MDN1: variants seen among roughly 807,000 people sequenced by gnomAD.
MDN1 encodes midasin AAA ATPase 1, also known as midasin.
MDN1 carries 266 observed loss-of-function variants against 669.2 expected under a neutral mutation model. The observed-to-expected ratio is 0.40, with a 90% CI of 0.36 to 0.44. The LOEUF (loss-of-function observed/expected upper bound fraction) is 0.44, where lower values mean the gene tolerates loss of function less well. Ranked by LOEUF, MDN1 falls within the 20% of genes least tolerant of loss-of-function variation. The probability of loss-of-function intolerance (pLI) is 1.00; values close to 1 mark genes in which losing one functional copy is unlikely to be tolerated. For missense variants in MDN1, 5,940 were observed against 6,754.0 expected (o/e 0.88, Z 4.22); for synonymous variants, 2,385 against 2,457.1 (o/e 0.97, Z 0.87).
intron 32 of MDN1, among the ~76,000 whole-genome samples, chr6:89,739,146 TG>T (rs1816156481): frequency 6.6e-6 from 1 of 152,220 alleles, no homozygotes; most frequent in Non-Finnish European, 1.5e-5. Context: ...CATACGTGTG[TG>T]TACCTCATCA....
Position 89,674,298 on chromosome 6 carries a change from T to G in MDN1, c.13053A>C (p.Leu4351=). 6.2e-7 allele frequency: 1 copy of G among 1,614,226 alleles called. No homozygotes were observed. The highest frequency in any genetic ancestry group is 8.5e-7 in the Non-Finnish European group (1 of 1,180,048). Residue 4351 remains leucine, a synonymous_variant, in exon 79 of 102, where the codon CTA becomes CTC. Coordinates refer to ENST00000369393, the MANE Select transcript of MDN1 (RefSeq NM_014611.3). ...ATGGGTAGCTCAGATTGGAAGGAAT[T>G]AGGTCCAGCACTACTCCACAAAGTT... is the stretch of plus-strand genomic sequence containing the variant. ...KGQLCGVVLD[L]IPSNLSYPSP... is the part of the protein sequence containing the mutation.
intron 33 of MDN1, among the ~76,000 whole-genome samples, chr6:89,734,162 G>A (rs1245871322): frequency 6.6e-6 from 1 of 151,932 alleles, no homozygotes; most frequent in Admixed American, 6.6e-5. Context: ...GCACGTGCCT[G>A]TAATCTCAGC....
At chr6:89,751,858 A>G (rs538674485) in intron 22 of MDN1, among the ~76,000 whole-genome samples, 69 of 152,356 alleles carry the variant, frequency 4.5e-4, no homozygotes, top group Admixed American at 2.1e-3. Context: ...CTTCTCTCAC[A>G]TATCAAAATG....
At position 89,712,047 on chromosome 6, in the gene MDN1, G is replaced by A. The variant is rs539925200; in HGVS notation, c.7640C>T (p.Pro2547Leu). Residue 2547 changes from proline to leucine, a missense_variant, in exon 49 of 102, where the codon CCG becomes CTG. Pro to Leu is a moderately conservative substitution (Grantham distance 98, BLOSUM62 -3). Transcript: ENST00000369393. The stretch of plus-strand genomic sequence containing the variant: ...GCTGTTCTACTCACCAAGCCCCTGC[G>A]GTATATTCTTGGCTAAATGATAAAG... The part of the protein sequence containing the change: ...KWLYHLAKNI[P>L]QGLESIQIHL... The A allele has an allele frequency of 5.4e-5, 87 of 1,613,524 alleles. No homozygotes were observed. The South Asian group carries it at 6.4e-4, about 12-fold the overall frequency.
intron 33 of MDN1, 55 bp from the exon 34 acceptor site, chr6:89,732,830 A>C: frequency 6.5e-7 from 1 of 1,544,994 alleles, no homozygotes; most frequent in South Asian, 1.2e-5. Flanking sequence ...CCCAGAACAA[A>C]AGTTCATAAC....
In MDN1 at chr6:89,695,954, C is replaced by G; in HGVS notation, c.9422G>C (p.Arg3141Pro). The G allele has an allele frequency of 6.2e-7, 1 of 1,610,994 alleles. No homozygotes were observed. Among genetic ancestry groups the G allele is most frequent in the Non-Finnish European group, 8.5e-7 (1 of 1,179,022 alleles). The change falls in exon 61 of 102, where the codon CGG becomes CCG. Residue 3141 changes from arginine (R) to proline (P), a missense_variant. Around this residue, in one of 5 missense-constraint regions of MDN1, gnomAD observed 2,292 missense variants for 2,638.3 expected, o/e 0.87. Coordinates refer to ENST00000369393, the MANE Select transcript of MDN1 (RefSeq NM_014611.3). The surrounding 1 kb of genome is among the most constrained non-coding windows in gnomAD (Gnocchi z 4.1). Reference protein sequence around the residue: ...DSQLQGQVLFRHLAGLAELLP... With the variant: ...DSQLQGQVLFPHLAGLAELLP... ...CAGCTCTGCTAGGCCTGCCAGGTGC[C>G]GGAACAGCACCTGCCCCTGGAGTTG... is the stretch of plus-strand genomic sequence containing the variant.
chr6:89,814,726 C>T, intron 1 of MDN1: 1 of 358,098 alleles, frequency 2.8e-6, no homozygotes, highest in Admixed American at 3.6e-5. Flanking sequence ...GGAGATCTCT[C>T]CAGCACCAGG....
rs1809223490 is a variant in MDN1, at chr6:89,655,745, A to G, written c.15490+19T>C. ...AGAGAGCTCAGTGGGCAAAGGCAGC[A>G]GCTTTCCCAGGACCGTACCATAGGT... On this transcript the variant is annotated intron_variant, in intron 92 of 101. Coordinates refer to ENST00000369393, the MANE Select transcript of MDN1 (RefSeq NM_014611.3). 1 of 1,577,468 alleles carries G rather than the reference A, an allele frequency of 6.3e-7. No homozygotes were observed. Among genetic ancestry groups the G allele is most frequent in the South Asian group, 1.2e-5 (1 of 86,646 alleles).
chr6:89,712,814 T>C (rs770906373), intron 47 of MDN1, 28 bp from the exon 48 acceptor site: 1 of 1,595,118 alleles, frequency 6.3e-7, no homozygotes, highest in African/African-American at 1.3e-5. Context: ...CACAATACAG[T>C]GGTACCAACA....
intron 40 of MDN1, among the ~76,000 whole-genome samples, chr6:89,721,984 A>G (rs941958924): frequency 1.3e-5 from 2 of 152,188 alleles, no homozygotes; most frequent in African/African-American, 2.4e-5. Context: ...AGGAAACAGC[A>G]GACAAACTGG....
chr6:89,790,674 C>T (rs1437142673), intron 5 of MDN1, among the ~76,000 whole-genome samples: 1 of 152,112 alleles, frequency 6.6e-6, no homozygotes, highest in Admixed American at 6.5e-5. Flanking sequence ...CACTGCACTC[C>T]AGCCTGGGTG....
rs200960612 is a variant in MDN1 at position 89,794,805 on chromosome 6, C to G, written c.330-4G>C. The G allele has an allele frequency of 3.1e-6, 5 of 1,611,986 alleles. No individual in the cohort carries two copies. The highest frequency in any genetic ancestry group is 1.7e-6 in the Non-Finnish European group (2 of 1,178,106). On this transcript the variant is annotated splice_region_variant and splice_polypyrimidine_tract_variant and intron_variant, in intron 2 of 101. Transcript: ENST00000369393. ...CTTGAAATATCTCAGGGCAAACCTT[C>G]AAACACAAAGAATACAGACATCCCC...
chr6:89,666,599 C>A (rs1459994093), intron 84 of MDN1, among the ~76,000 whole-genome samples: 1 of 152,188 alleles, frequency 6.6e-6, no homozygotes, highest in African/African-American at 2.4e-5. Flanking sequence ...TCCCAAAGTG[C>A]TAGGAATCCA....
chr6:89,718,451 G>A lies in MDN1; in HGVS notation c.6498C>T (p.Ile2166=), dbSNP rs561569581. 4.3e-6 allele frequency: 7 copies of A among 1,614,104 alleles called. No individual in the cohort carries two copies. In the Admixed American group the frequency reaches 8.3e-5, roughly 19 times the overall value. Residue 2166 remains isoleucine, a synonymous_variant, in exon 43 of 102, where the codon ATC becomes ATT. Coordinates refer to ENST00000369393, the MANE Select transcript of MDN1 (RefSeq NM_014611.3). ...CTAGTTTGTTGACAATCTCCATCGTGATAGCTTTACCACCTTCTCCAAGAC... is the reference window on the plus strand; with the variant it reads ...CTAGTTTGTTGACAATCTCCATCGTAATAGCTTTACCACCTTCTCCAAGAC... ...PKCLGEGGKA[I]TMEIVNKLEA... is the part of the protein sequence containing the mutation.
chr6:89,799,940 G>A (rs905647761), intron 2 of MDN1, among the ~76,000 whole-genome samples: 15 of 152,062 alleles, frequency 9.9e-5, no homozygotes, highest in African/African-American at 3.6e-4. Context: ...TTAATGAGGT[G>A]ACAATGGGAA....
intron 33 of MDN1, among the ~76,000 whole-genome samples, chr6:89,733,304 G>A (rs2128315442): frequency 6.6e-6 from 1 of 151,640 alleles, no homozygotes; most frequent in East Asian, 1.9e-4. Flanking sequence ...TTTGTTTCAT[G>A]AATCAAGTTG....
rs749642086 is a variant in MDN1, at chr6:89,790,414, G to A, written c.856-13C>T. The A allele has an allele frequency of 1.2e-6, 2 of 1,613,372 alleles. No homozygotes were observed. Among genetic ancestry groups the A allele is most frequent in the African/African-American group, 1.3e-5 (1 of 74,868 alleles). On this transcript the variant is annotated splice_polypyrimidine_tract_variant and intron_variant, in intron 5 of 101. Transcript: ENST00000369393. Reference sequence around the variant, plus strand: ...TCCTATTACCACCCTAAAGAGGCAAGACAAAAGCCATGTCAAGAAGAGTTC... The same window carrying A: ...TCCTATTACCACCCTAAAGAGGCAAAACAAAAGCCATGTCAAGAAGAGTTC...
At position 89,797,102 on chromosome 6, in the gene MDN1, T is replaced by C. The variant is rs187957249; in HGVS notation, c.330-2301A>G. 1.2e-3 allele frequency among the ~76,000 whole-genome samples: 188 copies of C among 151,636 alleles called. 2 individuals are homozygous for C. The highest frequency in any genetic ancestry group is 4.5e-3 in the African/African-American group (184 of 41,286). Reference sequence around the variant, plus strand: ...CACAAAAATTTCTGGTTGGGTGAGGTGGCTCACGCCTGTAATCCCAGCACT... The same window carrying C: ...CACAAAAATTTCTGGTTGGGTGAGGCGGCTCACGCCTGTAATCCCAGCACT... On this transcript the variant is annotated intron_variant, in intron 2 of 101. Transcript: ENST00000369393.
intron 80 of MDN1, 21 bp downstream of exon 80, chr6:89,673,215 T>C (rs574623679): frequency 6.3e-7 from 1 of 1,579,850 alleles, no homozygotes; most frequent in African/African-American, 1.3e-5. Flanking sequence ...TTTCATTCCC[T>C]GACTGAACAA....
Sources: gnomAD v4.1 joint callset for allele counts (sites outside exome capture counted in the v4.1 genomes callset) on GRCh38, gnomAD v4.1.1 for gene constraint, gnomAD v4.1.1 regional missense constraint, Gnocchi (gnomAD v3.1) non-coding constraint, MANE v1.5 for transcripts, NCBI Gene and HGNC (gene_info 2026-07-23, HGNC 2026-07-21) for gene names.